Variants in C10orf71 observed in about 807,000 individuals in gnomAD.
C10orf71 encodes chromosome 10 open reading frame 71.
For synonymous variants in C10orf71, 758 were observed against 726.3 expected (o/e 1.04, Z -0.70); for missense variants, 1,869 against 1,804.5 (o/e 1.04, Z -0.65).
In C10orf71 at chr10:49,327,036, C is replaced by T; in HGVS notation, c.*183C>T. 6.4e-7 allele frequency: 1 copy of T among 1,573,862 alleles called. No homozygotes were observed. Among genetic ancestry groups the T allele is most frequent in the Non-Finnish European group, 8.6e-7 (1 of 1,157,606 alleles). ...CAGTAGGGATCCCAAGACGACCTCA[C>T]CCAAAGGGCTCCCTGGCTCTCCTCT... On this transcript the variant is annotated 3_prime_UTR_variant, in exon 3 of 3. Coordinates refer to ENST00000374144, the MANE Select transcript of C10orf71 (RefSeq NM_001135196.2).
At position 49,322,575 on chromosome 10, in the gene C10orf71, C is replaced by A; in HGVS notation, c.30C>A (p.Asp10Glu). 1 of 1,611,290 alleles carries A rather than the reference C, an allele frequency of 6.2e-7. No individual in the cohort carries two copies. The highest frequency in any genetic ancestry group is 8.5e-7 in the Non-Finnish European group (1 of 1,178,642). ...TGCAAGGAAATAAGAAGTGCACAGA[C>A]GCGTTCAGCGACTCCTCCAGCATCG... is the stretch of plus-strand genomic sequence containing the variant. MMQGNKKCTDAFSDSSSIGS... is the reference protein window; with the variant it reads MMQGNKKCTEAFSDSSSIGS... Residue 10 changes from aspartate (D) to glutamate (E), a missense_variant, in exon 3 of 3, where the codon GAC becomes GAA. Coordinates refer to ENST00000374144, the MANE Select transcript of C10orf71 (RefSeq NM_001135196.2).
intron 1 of C10orf71, among the ~76,000 whole-genome samples, chr10:49,308,218 G>A (rs147755889): frequency 3.3e-5 from 5 of 152,316 alleles, no homozygotes; most frequent in African/African-American, 1.2e-4. Context: ...GGGGCATCCT[G>A]GACTTCTACC....
chr10:49,299,112 A>G (rs1848679860), upstream of C10orf71: 1 of 152,204 alleles, frequency 6.6e-6, no homozygotes, highest in Non-Finnish European at 1.5e-5. Flanking sequence ...TAAAAATAGC[A>G]GCTGAGGCTG....
At position 49,325,222 on chromosome 10, in the gene C10orf71, G is replaced by T; in HGVS notation, c.2677G>T (p.Glu893Ter). ...CCTCAGCAGTGGCCACAAAGAGGAGGAATTGCCAAGGCCAGAATGGGGTGA... is the reference window on the plus strand; with the variant it reads ...CCTCAGCAGTGGCCACAAAGAGGAGTAATTGCCAAGGCCAGAATGGGGTGA... ...DSLSSGHKEEELPRPEWGEDP... is the reference protein window; with the variant it reads ...DSLSSGHKEE Residue 893 changes from glutamate (E) to a stop codon, truncating the protein, a stop_gained, in exon 3 of 3, where the codon GAA (glutamate) becomes TAA (stop). Coordinates refer to ENST00000374144, the MANE Select transcript of C10orf71 (RefSeq NM_001135196.2). LOFTEE classifies it low-confidence loss of function (END_TRUNC). 1.9e-6 allele frequency: 3 copies of T among 1,551,986 alleles called. No individual in the cohort carries two copies. The highest frequency in any genetic ancestry group is 2.6e-6 in the Non-Finnish European group (3 of 1,147,046).
rs199675562 is a variant in C10orf71, at chr10:49,326,090, G to T, written c.3545G>T (p.Arg1182Leu). Reference protein sequence around the residue: ...AVPPKTEKALRRAKKLASKRR... With the variant: ...AVPPKTEKALLRAKKLASKRR... ...CCACCCAAAACAGAGAAAGCCCTGC[G>T]GCGGGCAAAGAAGCTGGCAAGTAAG... Residue 1182 changes from arginine (R) to leucine (L), a missense_variant, in exon 3 of 3, where the codon CGG becomes CTG. Coordinates refer to ENST00000374144, the MANE Select transcript of C10orf71 (RefSeq NM_001135196.2). 2 of 1,551,692 alleles carry T rather than the reference G, an allele frequency of 1.3e-6. No homozygotes were observed. The highest frequency in any genetic ancestry group is 2.0e-5 in the Admixed American group (1 of 51,004).
chr10:49,306,481 A>G (rs1049723020), intron 1 of C10orf71, among the ~76,000 whole-genome samples: 111 of 152,242 alleles, frequency 7.3e-4, no homozygotes, highest in African/African-American at 2.7e-3. Context: ...TGCCATTTCC[A>G]GAATCCAGGG....
intron 2 of C10orf71, among the ~76,000 whole-genome samples, chr10:49,318,138 T>C (rs889483579): frequency 2.1e-4 from 32 of 152,348 alleles, no homozygotes; most frequent in African/African-American, 7.5e-4. Flanking sequence ...TGGCTTCTTG[T>C]CTGCATTCAA....
chr10:49,322,957 A>C lies in C10orf71; in HGVS notation c.412A>C (p.Lys138Gln). The C allele has an allele frequency of 6.2e-7, 1 of 1,614,008 alleles. No homozygotes were observed. The highest frequency in any genetic ancestry group is 8.5e-7 in the Non-Finnish European group (1 of 1,179,886). ...VPVSGLRSSN[K>Q]PVSKVSTLIK... ...AGTTTCCGGCCTAAGGAGCAGCAAT[A>C]AGCCTGTCTCCAAAGTATCAACACT... Residue 138 changes from lysine to glutamine, a missense_variant, in exon 3 of 3, where the codon AAG becomes CAG. Physicochemically the swap from Lys to Gln is moderately conservative, Grantham distance 53 (BLOSUM62 1). Transcript: ENST00000374144.
chr10:49,311,916 C>T (rs946968278), intron 1 of C10orf71, among the ~76,000 whole-genome samples: 6 of 152,010 alleles, frequency 3.9e-5, no homozygotes, highest in East Asian at 3.9e-4. Flanking sequence ...GAATTGTATC[C>T]GCAAAAAGCA....
chr10:49,313,081 G>C (rs1461845045), intron 1 of C10orf71, among the ~76,000 whole-genome samples: 1 of 152,164 alleles, frequency 6.6e-6, no homozygotes, highest in Non-Finnish European at 1.5e-5. Context: ...TAGCAGGAGG[G>C]ACAAACATTT....
At chr10:49,314,563 C>T (rs1428910530) in intron 1 of C10orf71, among the ~76,000 whole-genome samples, 1 of 152,204 alleles carries the variant, frequency 6.6e-6, no homozygotes, top group East Asian at 1.9e-4. Context: ...AGGCAACTGC[C>T]TAGGGGGAAA....
At chr10:49,298,059 G>A (rs1848665247), upstream of C10orf71, among the ~76,000 whole-genome samples, 1 of 152,220 alleles carries the variant, frequency 6.6e-6, no homozygotes, top group Non-Finnish European at 1.5e-5. Context: ...ACTTGGTTTA[G>A]ACAAAAGTAC....
intron 1 of C10orf71, among the ~76,000 whole-genome samples, chr10:49,303,686 A>C (rs376973821): frequency 2.6e-5 from 4 of 152,246 alleles, no homozygotes; most frequent in African/African-American, 9.6e-5. Flanking sequence ...CAACACAGCC[A>C]TAGGTTGAAA....
At chr10:49,321,083 CATA>C (rs1314852828) in intron 2 of C10orf71, among the ~76,000 whole-genome samples, 2 of 151,748 alleles carry the variant, frequency 1.3e-5, no homozygotes, top group Non-Finnish European at 1.5e-5. Context: ...GAGCATTTAA[CATA>C]ATATCTATCC....
At position 49,326,600 on chromosome 10, in the gene C10orf71, C is replaced by T. The variant is rs1849256416; in HGVS notation, c.4055C>T (p.Ser1352Phe). The T allele has an allele frequency of 1.3e-6, 2 of 1,550,510 alleles. No individual in the cohort carries two copies. The highest frequency in any genetic ancestry group is 1.7e-6 in the Non-Finnish European group (2 of 1,146,862). Residue 1352 changes from serine (S) to phenylalanine (F), a missense_variant, in exon 3 of 3, where the codon TCC (serine) becomes TTC (phenylalanine). Coordinates refer to ENST00000374144, the MANE Select transcript of C10orf71 (RefSeq NM_001135196.2). Reference protein sequence around the residue: ...PVTALMPLRCSSQLSAPTFLR... With the variant: ...PVTALMPLRCFSQLSAPTFLR... ...ACGGCCTTGATGCCGCTGCGCTGCT[C>T]CTCTCAGCTCTCCGCGCCCACCTTC... is the stretch of plus-strand genomic sequence containing the variant.
At chr10:49,301,426 T>C (rs1848728230) in intron 1 of C10orf71, among the ~76,000 whole-genome samples, 1 of 152,188 alleles carries the variant, frequency 6.6e-6, no homozygotes. Context: ...TTTCCAAGGG[T>C]TGCATGGCAT....
At chr10:49,299,718 G>T (rs1275570252) in intron 1 of C10orf71, among the ~76,000 whole-genome samples, 1 of 152,190 alleles carries the variant, frequency 6.6e-6, no homozygotes, top group Non-Finnish European at 1.5e-5. Flanking sequence ...AGGGATCTCT[G>T]CTCCCACATG....
intron 1 of C10orf71, among the ~76,000 whole-genome samples, chr10:49,301,319 A>G (rs1848726099): frequency 6.6e-6 from 1 of 152,208 alleles, no homozygotes. Context: ...TTTAAACCTC[A>G]TTTCACAAAA....
intron 1 of C10orf71, among the ~76,000 whole-genome samples, chr10:49,307,802 T>G (rs1489783258): frequency 6.6e-6 from 1 of 152,180 alleles, no homozygotes. Flanking sequence ...TGTGGGAGAC[T>G]GCTTGAACCC....
Sources: allele counts gnomAD v4.1 joint callset (sites outside exome capture counted in the v4.1 genomes callset), GRCh38; gene constraint gnomAD v4.1.1; transcripts MANE v1.5; gene names NCBI Gene and HGNC (gene_info 2026-07-23, HGNC 2026-07-21).